Variants in COL24A1 observed in about 807,000 individuals in gnomAD.
The protein encoded by COL24A1 is collagen alpha-1(XXIV) chain.
COL24A1 carries 224 observed loss-of-function variants against 253.9 expected under a neutral mutation model. That is an observed-to-expected ratio of 0.88 (90% CI 0.79 to 0.99). The LOEUF is 0.99. Ranked by LOEUF, COL24A1 falls within the 50% of genes least tolerant of loss-of-function variation. The probability of loss-of-function intolerance (pLI) is 0.00; values close to 1 mark genes in which losing one functional copy is unlikely to be tolerated. For synonymous variants in COL24A1, 685 were observed against 673.7 expected, an observed-to-expected ratio of 1.02 and a Z score of -0.26; for missense variants, 2,131 against 2,068.5, an observed-to-expected ratio of 1.03 and a Z score of -0.59.
chr1:85,792,752 G>A lies in COL24A1; in HGVS notation c.3952-6291C>T, dbSNP rs530317331. ...AATAAGAAAAAGAAAAACAAAAAAC[G>A]AAATGTGATGGAATGTACTATATAA... On this transcript the variant is annotated intron_variant, in intron 47 of 59. Coordinates refer to ENST00000370571, the MANE Select transcript of COL24A1 (RefSeq NM_152890.7). Among the ~76,000 whole-genome samples, 373 of 151,684 alleles carry A rather than the reference G, an allele frequency of 2.5e-3. 3 individuals carry two copies. The highest frequency in any genetic ancestry group is 2.4e-3 in the Non-Finnish European group (164 of 67,858).
intron 47 of COL24A1, among the ~76,000 whole-genome samples, chr1:85,789,108 T>C (rs1025707040): frequency 2.6e-5 from 4 of 152,180 alleles, no homozygotes; most frequent in African/African-American, 9.6e-5. Flanking sequence ...AGAATGTCAA[T>C]GGTAGTTTTA....
At chr1:85,740,483 T>C (rs1181224899) in intron 57 of COL24A1, among the ~76,000 whole-genome samples, 1 of 152,132 alleles carries the variant, frequency 6.6e-6, no homozygotes, top group Non-Finnish European at 1.5e-5. Context: ...GGAATTTCTC[T>C]CTTGCTCTGT....
chr1:85,787,384 AGGC>A (rs905053247), intron 47 of COL24A1, among the ~76,000 whole-genome samples: 1 of 152,080 alleles, frequency 6.6e-6, no homozygotes, highest in African/African-American at 2.4e-5. Flanking sequence ...CTCCACCAAC[AGGC>A]CCCAGTGGGT....
At chr1:86,131,075 C>T (rs1397041066) in intron 2 of COL24A1, among the ~76,000 whole-genome samples, 3 of 151,918 alleles carry the variant, frequency 2.0e-5, no homozygotes, top group African/African-American at 7.2e-5. Context: ...GAATATCTTG[C>T]AGCTGCTGTT....
chr1:85,856,441 C>G (rs538024957), intron 37 of COL24A1, among the ~76,000 whole-genome samples: 1 of 152,110 alleles, frequency 6.6e-6, no homozygotes, highest in African/African-American at 2.4e-5. Flanking sequence ...GCTTTAATTT[C>G]ATTGTTTACC....
chr1:85,910,939 A>G (rs185341207), intron 25 of COL24A1, among the ~76,000 whole-genome samples: 26 of 151,976 alleles, frequency 1.7e-4, no homozygotes, highest in Admixed American at 1.6e-3. Context: ...TTTTGAAGAA[A>G]CAGAGGGAAG....
At chr1:86,049,095 G>A (rs1028837450) in intron 11 of COL24A1, among the ~76,000 whole-genome samples, 1 of 152,316 alleles carries the variant, frequency 6.6e-6, no homozygotes, top group East Asian at 1.9e-4. Flanking sequence ...TTAGTTTGCT[G>A]TAGTACATGA....
intron 19 of COL24A1, among the ~76,000 whole-genome samples, chr1:86,013,712 T>C (rs1425539148): frequency 6.6e-6 from 1 of 152,122 alleles, no homozygotes; most frequent in African/African-American, 2.4e-5. Context: ...GGCAGGCACC[T>C]GTAATCCCAG....
At chr1:85,860,942 G>A (rs181679930) in intron 37 of COL24A1, among the ~76,000 whole-genome samples, 238 of 152,020 alleles carry the variant, frequency 1.6e-3, no homozygotes, top group African/African-American at 5.0e-3. Context: ...CTACTTTTTC[G>A]CTCTTATAAA....
chr1:86,156,356 G>T lies in COL24A1; in HGVS notation c.41C>A (p.Ser14Tyr). ...RAHRTRRGKV[S>Y]PTAKTKSLLH... ...GGCTACTTACGTTTTTGCCGTGGGG[G>T]AGACTTTTCCACGCCTTGTTCTGTG... The change falls in exon 1 of 60, where the codon TCC becomes TAC. Residue 14 changes from serine (S) to tyrosine (Y), a missense_variant. By Grantham distance (144) the Ser-to-Tyr change is moderately radical. Coordinates refer to ENST00000370571, the MANE Select transcript of COL24A1 (RefSeq NM_152890.7). The T allele has an allele frequency of 6.2e-7, 1 of 1,612,886 alleles. No homozygotes were observed.
chr1:86,069,234 A>G (rs1701698307), intron 7 of COL24A1, among the ~76,000 whole-genome samples: 1 of 152,108 alleles, frequency 6.6e-6, no homozygotes, highest in Non-Finnish European at 1.5e-5. Flanking sequence ...ACTGTGCTGA[A>G]GGATGAGTCA....
At chr1:85,872,648 A>G (rs575263059) in intron 35 of COL24A1, among the ~76,000 whole-genome samples, 2 of 152,354 alleles carry the variant, frequency 1.3e-5, no homozygotes, top group East Asian at 3.9e-4. Flanking sequence ...TAGAAAGCTG[A>G]AAACGGATCC....
intron 19 of COL24A1, among the ~76,000 whole-genome samples, chr1:86,015,490 G>A (rs1457212693): frequency 6.6e-6 from 1 of 152,102 alleles, no homozygotes; most frequent in Non-Finnish European, 1.5e-5. Flanking sequence ...CTTTAACCAA[G>A]CTTTATGAGA....
At chr1:85,907,296 T>C in intron 27 of COL24A1, 49 bp from the exon 28 acceptor site, 1 of 1,417,842 alleles carries the variant, frequency 7.1e-7, no homozygotes, top group Non-Finnish European at 1.0e-6. Flanking sequence ...AAGAATACTA[T>C]CAGAATAATA....
intron 24 of COL24A1, among the ~76,000 whole-genome samples, chr1:85,957,346 T>C (rs1690571768): frequency 6.6e-6 from 1 of 151,916 alleles, no homozygotes; most frequent in African/African-American, 2.4e-5. Context: ...ATCCCAGAAC[T>C]TAAAGTATAA....
chr1:86,028,268 A>G (rs1033749824), intron 14 of COL24A1, among the ~76,000 whole-genome samples: 3 of 152,198 alleles, frequency 2.0e-5, no homozygotes, highest in Non-Finnish European at 4.4e-5. Context: ...ATGTGAGGAC[A>G]TGAGATTTGG....
chr1:85,871,752 CA>C (rs1338864209), intron 35 of COL24A1, among the ~76,000 whole-genome samples: 3 of 152,046 alleles, frequency 2.0e-5, no homozygotes, highest in Admixed American at 1.3e-4. Flanking sequence ...ACTGAATGGG[CA>C]AAAAACTGGA....
At chr1:86,015,190 A>G (rs1696879570) in intron 19 of COL24A1, among the ~76,000 whole-genome samples, 1 of 151,892 alleles carries the variant, frequency 6.6e-6, no homozygotes, top group African/African-American at 2.4e-5. Context: ...ATCAAGAAAA[A>G]GTTATGCTCC....
At position 85,756,085 on chromosome 1, in the gene COL24A1, A is replaced by AC. The variant is rs1666228061; in HGVS notation, c.4437+5310dup. Among the ~76,000 whole-genome samples the AC allele has an allele frequency of 1.3e-4, 19 of 142,916 alleles. No homozygotes were observed. The South Asian group carries it at 4.3e-3, about 32-fold the overall frequency. 93.8% of individuals were successfully genotyped at this position (142,916 alleles called of 152,430 possible). A position where few individuals can be genotyped will look rare whatever the true frequency, so the allele number is the denominator to read the frequency against. On this transcript the variant is annotated intron_variant, in intron 55 of 59. Coordinates refer to ENST00000370571, the MANE Select transcript of COL24A1 (RefSeq NM_152890.7). ...AAAAAAAAAAAAAAAAAAAAAGGCAACCCAATTCAAAAAATGGGCAAATAA... is the reference window on the plus strand; with the variant it reads ...AAAAAAAAAAAAAAAAAAAAAGGCAACCCCAATTCAAAAAATGGGCAAATAA...
Sources: allele counts gnomAD v4.1 joint callset (sites outside exome capture counted in the v4.1 genomes callset), GRCh38; gene constraint gnomAD v4.1.1; transcripts MANE v1.5; gene names NCBI Gene and HGNC (gene_info 2026-07-23, HGNC 2026-07-21).